ISM1: variants seen among roughly 807,000 people sequenced by gnomAD.
ISM1 encodes isthmin-1.
Under a neutral mutation model 46.3 loss-of-function variants are expected in ISM1, and 25 were observed. That is an observed-to-expected ratio of 0.54 (90% confidence interval 0.39 to 0.75). The LOEUF is 0.75. Ranked by LOEUF, ISM1 falls within the 30% of genes least tolerant of loss-of-function variation. ISM1 has a pLI of 0.00. For missense variants in ISM1, 536 were observed against 625.4 expected, an observed-to-expected ratio of 0.86 and a Z score of 1.52; for synonymous variants, 255 against 256.7, an observed-to-expected ratio of 0.99 and a Z score of 0.06.
intron 1 of ISM1, among the ~76,000 whole-genome samples, chr20:13,255,384 T>TTG (rs926809268): frequency 6.6e-6 from 1 of 152,202 alleles, no homozygotes; most frequent in Non-Finnish European, 1.5e-5. Context: ...CAGTCATTAT[T>TTG]TGTGTGTGTG....
At position 13,299,052 on chromosome 20, in the gene ISM1, G is replaced by A. The variant is rs981903091; in HGVS notation, c.988G>A (p.Val330Met). ...CTGCCCCTGCTCCTACCCCACTGAG[G>A]TGGCCTACAGCACGGCCGACATCTT... ...PSCPCSYPTE[V>M]AYSTADIFDR... is the part of the protein sequence containing the mutation. The change falls in exon 6 of 6, where the codon GTG (valine) becomes ATG (methionine). Residue 330 changes from valine to methionine, a missense_variant. This residue lies in a region of ISM1 where 169 missense variants were observed against 249.3 expected (regional missense o/e 0.68). Coordinates refer to ENST00000262487, the MANE Select transcript of ISM1 (RefSeq NM_080826.2). This position sits in a 1 kb window ranked among gnomAD's most constrained non-coding sequence, Gnocchi z 5.8. 1.2e-6 allele frequency: 2 copies of A among 1,613,798 alleles called. No individual in the cohort carries two copies. The highest frequency in any genetic ancestry group is 2.7e-5 in the African/African-American group (2 of 75,036).
chr20:13,319,806 G>A, the ISM1 span, among the ~76,000 whole-genome samples: 3 of 152,184 alleles, frequency 2.0e-5, no homozygotes, highest in African/African-American at 7.2e-5. Context: ...TTGTCCCTGG[G>A]CCTGCAGCAG....
At chr20:13,246,570 C>G (rs755935475) in intron 1 of ISM1, among the ~76,000 whole-genome samples, 11 of 152,140 alleles carry the variant, frequency 7.2e-5, no homozygotes, top group Non-Finnish European at 1.6e-4. Context: ...TCCAAAATGC[C>G]TTCACCACAT....
At chr20:13,288,420 C>A (rs1483783556) in intron 3 of ISM1, 120 bp from the exon 4 acceptor site, 1 of 1,100,428 alleles carries the variant, frequency 9.1e-7, no homozygotes. Context: ...GAAAAGTCCT[C>A]TCCAGCAATC....
the ISM1 span, among the ~76,000 whole-genome samples, chr20:13,324,334 G>C: frequency 6.6e-6 from 1 of 152,192 alleles, no homozygotes; most frequent in Non-Finnish European, 1.5e-5. Context: ...TGCCTTGCTA[G>C]CTGCAAGATA....
chr20:13,229,034 A>C (rs79808659), intron 1 of ISM1, among the ~76,000 whole-genome samples: 4,110 of 151,848 alleles, frequency 0.027, 74 homozygotes, highest in Middle Eastern at 0.034. Context: ...CTTTTCTCCT[A>C]AATTCTATAG....
the ISM1 span, among the ~76,000 whole-genome samples, chr20:13,306,755 C>G: frequency 8.6e-5 from 13 of 151,988 alleles, no homozygotes; most frequent in Non-Finnish European, 5.9e-5. Context: ...AAAAATCCTC[C>G]CTTAGAGCTG....
Position 13,277,143 on chromosome 20 carries a change from GA to G in ISM1, c.379-2481del, listed in dbSNP as rs886077493. On this transcript the variant is annotated intron_variant, in intron 2 of 5. Coordinates refer to ENST00000262487, the MANE Select transcript of ISM1 (RefSeq NM_080826.2). ...GTTTGGATCTGAGCAGCAGTTTGGA[GA>G]AAAAAAAAATCATATTGACGGTAAT... 1.9e-4 allele frequency among the ~76,000 whole-genome samples: 29 copies of G among 149,594 alleles called. No individual in the cohort carries two copies. The South Asian group carries it at 2.3e-3, about 12-fold the overall frequency.
downstream of ISM1, among the ~76,000 whole-genome samples, chr20:13,304,772 A>T (rs558687735): frequency 6.6e-6 from 1 of 152,276 alleles, no homozygotes; most frequent in South Asian, 2.1e-4. Context: ...AGTGTGTTTT[A>T]TACCAGTCCA....
downstream of ISM1, among the ~76,000 whole-genome samples, chr20:13,305,530 G>A (rs900815115): frequency 1.3e-5 from 2 of 152,238 alleles, no homozygotes; most frequent in Non-Finnish European, 2.9e-5. Flanking sequence ...ATGGAAAAAT[G>A]TGTGGGTCGT....
chr20:13,288,753 T>C, intron 4 of ISM1, 70 bp downstream of exon 4: 1 of 1,455,646 alleles, frequency 6.9e-7, no homozygotes, highest in Non-Finnish European at 9.4e-7. Flanking sequence ...AAAAACTTAG[T>C]GACATTGTCT....
intron 1 of ISM1, among the ~76,000 whole-genome samples, chr20:13,264,274 GAAAAA>G (rs2123230968): frequency 6.6e-6 from 1 of 152,284 alleles, no homozygotes; most frequent in Admixed American, 6.5e-5. Context: ...GCCTTAAAGA[GAAAAA>G]GTACTAAACT....
chr20:13,294,948 C>T (rs2040392234), intron 5 of ISM1, among the ~76,000 whole-genome samples: 1 of 152,140 alleles, frequency 6.6e-6, no homozygotes, highest in South Asian at 2.1e-4. Context: ...GTTTAGCATG[C>T]GATCCCACAC....
intron 1 of ISM1, among the ~76,000 whole-genome samples, 189 bp downstream of exon 1, chr20:13,222,103 G>T (rs1225327171): frequency 6.6e-6 from 1 of 152,202 alleles, no homozygotes; most frequent in Non-Finnish European, 1.5e-5. Flanking sequence ...GTGCCTGGAG[G>T]CTGCACCCGG....
At chr20:13,273,331 C>A (rs908209116) in intron 2 of ISM1, among the ~76,000 whole-genome samples, 3 of 151,714 alleles carry the variant, frequency 2.0e-5, no homozygotes, top group African/African-American at 7.3e-5. Flanking sequence ...AACTCCTGGG[C>A]TCAAGTGATC....
chr20:13,268,385 TC>T (rs2040072906), intron 1 of ISM1, among the ~76,000 whole-genome samples: 1 of 139,708 alleles, frequency 7.2e-6, no homozygotes, highest in South Asian at 2.5e-4. Flanking sequence ...TCTCTCTCTC[TC>T]TCTCTCTCTC....
chr20:13,314,658 A>C, the ISM1 span, among the ~76,000 whole-genome samples: 1 of 152,140 alleles, frequency 6.6e-6, no homozygotes, highest in Non-Finnish European at 1.5e-5. Context: ...GAAAATGATA[A>C]AGGTCAGAAA....
intron 3 of ISM1, among the ~76,000 whole-genome samples, chr20:13,284,851 G>C (rs1004492103): frequency 1.3e-5 from 2 of 152,188 alleles, no homozygotes; most frequent in African/African-American, 4.8e-5. Context: ...GGCTTTGTGA[G>C]CATTTAAAAT....
intron 4 of ISM1, among the ~76,000 whole-genome samples, chr20:13,289,780 T>G (rs2040333501): frequency 6.6e-6 from 1 of 152,166 alleles, no homozygotes; most frequent in South Asian, 2.1e-4. Flanking sequence ...TAGTAACTCC[T>G]GGTGTATAGT....
Sources: allele counts gnomAD v4.1 joint callset (sites outside exome capture counted in the v4.1 genomes callset), GRCh38; gene constraint gnomAD v4.1.1; regional missense constraint gnomAD v4.1.1; non-coding constraint Gnocchi (gnomAD v3.1); transcripts MANE v1.5; gene names NCBI Gene and HGNC (gene_info 2026-07-23, HGNC 2026-07-21).